Variants in UBE2W observed in about 807,000 individuals in gnomAD.
The protein encoded by UBE2W is ubiquitin conjugating enzyme E2 W, also known as ubiquitin-conjugating enzyme E2 W.
UBE2W carries 18 observed loss-of-function variants against 27.2 expected under a neutral mutation model. The observed-to-expected ratio is 0.66, with a 90% CI of 0.46 to 0.98. UBE2W has a LOEUF of 0.98. UBE2W is among the 50% of genes least tolerant of loss of function. UBE2W has a pLI of 0.00. For synonymous variants in UBE2W, 53 were observed against 57.2 expected, an observed-to-expected ratio of 0.93 and a Z score of 0.33; for missense variants, 90 against 180.2, an observed-to-expected ratio of 0.50 and a Z score of 2.87.
At chr8:73,851,819 G>A (rs1026363778) in intron 1 of UBE2W, among the ~76,000 whole-genome samples, 28 of 152,094 alleles carry the variant, frequency 1.8e-4, no homozygotes, top group Admixed American at 1.8e-3. Flanking sequence ...GCTGACCCCA[G>A]AGTATTAGTC....
At chr8:73,842,468 G>A (rs899244635) in intron 1 of UBE2W, among the ~76,000 whole-genome samples, 4 of 139,980 alleles carry the variant, frequency 2.9e-5, no homozygotes, top group African/African-American at 1.1e-4. Flanking sequence ...GGTGGAGCTT[G>A]CAGTGAGCCG....
Position 73,792,844 on chromosome 8 carries a change from A to T in UBE2W, c.*1258T>A, listed in dbSNP as rs1396569190. The T allele has an allele frequency of 8.1e-6, 8 of 985,520 alleles. No individual in the cohort carries two copies. The African/African-American group carries it at 1.4e-4, about 17-fold the overall frequency. 61.0% of individuals were successfully genotyped at this position (985,520 alleles called of 1,614,324 possible). A position where few individuals can be genotyped will look rare whatever the true frequency, so the allele number is the denominator to read the frequency against. On this transcript the variant is annotated 3_prime_UTR_variant, in exon 6 of 6. Transcript: ENST00000602593. Reference sequence around the variant, plus strand: ...AGCTGTAAGCAAAGTCTTTTCAACAACAACAAAACAAAACCCTCCAGGAAA... The same window carrying T: ...AGCTGTAAGCAAAGTCTTTTCAACATCAACAAAACAAAACCCTCCAGGAAA...
chr8:73,811,591 G>A (rs1222773688), intron 3 of UBE2W, among the ~76,000 whole-genome samples: 1 of 152,092 alleles, frequency 6.6e-6, no homozygotes, highest in Non-Finnish European at 1.5e-5. Flanking sequence ...AGAACACATA[G>A]TTGGAAGATC....
chr8:73,809,895 TTAAG>T (rs1809078531), intron 4 of UBE2W, among the ~76,000 whole-genome samples: 1 of 151,388 alleles, frequency 6.6e-6, no homozygotes, highest in Non-Finnish European at 1.5e-5. Context: ...TTAAGTTTAA[TTAAG>T]TGATTTTTTT....
At chr8:73,859,912 C>T (rs577270237) in intron 1 of UBE2W, among the ~76,000 whole-genome samples, 18 of 152,256 alleles carry the variant, frequency 1.2e-4, no homozygotes, top group African/African-American at 4.1e-4. Context: ...CTCCCCTAAG[C>T]ACACACAGTT....
chr8:73,796,156 A>C (rs1283751359), intron 5 of UBE2W, among the ~76,000 whole-genome samples: 3 of 152,082 alleles, frequency 2.0e-5, no homozygotes, highest in Admixed American at 6.6e-5. Flanking sequence ...GATATAAAAC[A>C]AACTTAGGAA....
chr8:73,787,945 G>T lies in UBE2W; in HGVS notation c.*6157C>A. 1 of 983,570 alleles carries T rather than the reference G, an allele frequency of 1.0e-6. No homozygotes were observed. Among genetic ancestry groups the T allele is most frequent in the African/African-American group, 1.8e-5 (1 of 55,744 alleles). 60.9% of individuals were successfully genotyped at this position (983,570 alleles called of 1,614,324 possible). A position where few individuals can be genotyped will look rare whatever the true frequency, so the allele number is the denominator to read the frequency against. On this transcript the variant is annotated 3_prime_UTR_variant, in exon 6 of 6. Transcript: ENST00000602593. ...TTACATAAAGGTGATGTGTTAAATA[G>T]ATGGTTTAAGTGACTATCTTCATTC...
intron 4 of UBE2W, among the ~76,000 whole-genome samples, chr8:73,809,307 A>T (rs1177834130): frequency 1.3e-5 from 2 of 152,222 alleles, no homozygotes; most frequent in Non-Finnish European, 2.9e-5. Flanking sequence ...TCCAAATACT[A>T]ATTTAATAAA....
At chr8:73,832,912 G>A (rs746220006) in intron 1 of UBE2W, among the ~76,000 whole-genome samples, 2 of 152,158 alleles carry the variant, frequency 1.3e-5, no homozygotes. Context: ...TAGTTCGGCT[G>A]GGCGTTGTGG....
intron 1 of UBE2W, among the ~76,000 whole-genome samples, chr8:73,871,277 A>G (rs934221882): frequency 6.6e-6 from 1 of 152,218 alleles, no homozygotes; most frequent in African/African-American, 2.4e-5. Flanking sequence ...GAATGAACCC[A>G]AGGTTTCTGG....
chr8:73,800,168 GAAAA>G (rs373118932), intron 5 of UBE2W, among the ~76,000 whole-genome samples: 3 of 151,680 alleles, frequency 2.0e-5, no homozygotes, highest in African/African-American at 7.3e-5. Context: ...AAAAGTGAAG[GAAAA>G]AAAAGTGAAG....
intron 1 of UBE2W, among the ~76,000 whole-genome samples, chr8:73,877,999 TAAGGGCA>T (rs1812306134): frequency 1.3e-5 from 2 of 150,924 alleles, no homozygotes; most frequent in African/African-American, 2.4e-5. Context: ...GGTCTGGGAA[TAAGGGCA>T]AAGAGATGTA....
chr8:73,864,990 C>T (rs1414776317), intron 1 of UBE2W, among the ~76,000 whole-genome samples: 1 of 151,936 alleles, frequency 6.6e-6, no homozygotes, highest in Non-Finnish European at 1.5e-5. Flanking sequence ...CCAAAAGGCA[C>T]AGCACAGCCT....
chr8:73,851,750 C>T (rs961904919), intron 1 of UBE2W, among the ~76,000 whole-genome samples: 1 of 151,444 alleles, frequency 6.6e-6, no homozygotes, highest in Non-Finnish European at 1.5e-5. Context: ...ACTTAGGATG[C>T]AGAATGAACT....
intron 5 of UBE2W, among the ~76,000 whole-genome samples, 179 bp downstream of exon 5, chr8:73,805,472 C>CAAACAAAAAAAAAAAAAAAAACAAAA: frequency 2.3e-5 from 1 of 43,676 alleles, no homozygotes; most frequent in Non-Finnish European, 5.0e-5. Context: ...AAAAAAAAAA[C>CAAACAAAAAAAAAAAAAAAAACAAAA]AAAAAAAACT....
chr8:73,831,979 A>G (rs1280955252), intron 1 of UBE2W: 1 of 152,048 alleles, frequency 6.6e-6, no homozygotes, highest in Non-Finnish European at 1.5e-5. Context: ...TTTATGAAGG[A>G]AAGAAAGTAG....
intron 1 of UBE2W, among the ~76,000 whole-genome samples, chr8:73,868,885 A>C (rs1586550113): frequency 6.6e-6 from 1 of 152,230 alleles, no homozygotes; most frequent in South Asian, 2.1e-4. Flanking sequence ...GTATATTAAC[A>C]AAAACAAATT....
intron 1 of UBE2W, among the ~76,000 whole-genome samples, chr8:73,855,394 C>CTTTTTTTTTTTTTTTTTT (rs66577299): frequency 3.5e-5 from 3 of 84,706 alleles, no homozygotes; most frequent in Admixed American, 1.4e-4. Context: ...ATTCTACTTT[C>CTTTTTTTTTTTTTTTTTT]TTTTTTTTTT....
chr8:73,857,077 T>TAA (rs1811332519), intron 1 of UBE2W, among the ~76,000 whole-genome samples: 1 of 152,152 alleles, frequency 6.6e-6, no homozygotes, highest in Admixed American at 6.5e-5. Flanking sequence ...AATACACACA[T>TAA]AATAACAAGA....
Sources: allele counts gnomAD v4.1 joint callset (sites outside exome capture counted in the v4.1 genomes callset), GRCh38; gene constraint gnomAD v4.1.1; transcripts MANE v1.5; gene names NCBI Gene and HGNC (gene_info 2026-07-23, HGNC 2026-07-21).